Variants in ADAMTSL1 observed in about 807,000 individuals in gnomAD.
ADAMTSL1 encodes ADAMTS-like protein 1.
Under a neutral mutation model 201.8 loss-of-function variants are expected in ADAMTSL1, and 126 were observed. The observed-to-expected ratio is 0.62, with a 90% CI of 0.54 to 0.72. The LOEUF (loss-of-function observed/expected upper bound fraction) is 0.72, where lower values mean the gene tolerates loss of function less well. ADAMTSL1 is among the 30% of genes least tolerant of loss of function. The pLI is 0.00. For synonymous variants in ADAMTSL1, 1,121 were observed against 903.4 expected, an observed-to-expected ratio of 1.24 and a Z score of -4.32; for missense variants, 2,679 against 2,277.8, an observed-to-expected ratio of 1.18 and a Z score of -3.59.
intron 2 of ADAMTSL1, among the ~76,000 whole-genome samples, chr9:18,198,373 A>G (rs1383393862): frequency 4.1e-5 from 6 of 146,746 alleles, no homozygotes; most frequent in African/African-American, 1.5e-4. Flanking sequence ...ACAAAGGGCT[A>G]ATATCCAGAA....
chr9:18,311,082 T>C (rs1242471849), intron 2 of ADAMTSL1, among the ~76,000 whole-genome samples: 2 of 152,088 alleles, frequency 1.3e-5, no homozygotes, highest in Non-Finnish European at 2.9e-5. Context: ...GAAACCATCA[T>C]TCTCAGCAAA....
intron 20 of ADAMTSL1, among the ~76,000 whole-genome samples, chr9:18,799,612 TC>T (rs1220671922): frequency 6.6e-6 from 1 of 152,158 alleles, no homozygotes; most frequent in Non-Finnish European, 1.5e-5. Context: ...CCTGACATCA[TC>T]AATGGGAAAT....
At position 18,829,775 on chromosome 9, in the gene ADAMTSL1, C is replaced by T. The variant is rs573664266; in HGVS notation, c.4115-68C>T. On this transcript the variant is annotated intron_variant, in intron 22 of 28. Transcript: ENST00000380548. ...ACATGTGCACACACATGCATACCCA[C>T]CTCTTCCTCTTGCCTTGACACAGCC... 7.6e-5 allele frequency: 122 copies of T among 1,595,396 alleles called. 3 individuals carry two copies. The South Asian group carries it at 1.1e-3, about 15-fold the overall frequency.
intron 23 of ADAMTSL1, among the ~76,000 whole-genome samples, chr9:18,883,374 A>T (rs1303396757): frequency 6.6e-6 from 1 of 152,148 alleles, no homozygotes; most frequent in African/African-American, 2.4e-5. Context: ...AGCTCCCAAG[A>T]TCTCTTGTGG....
At chr9:18,767,177 C>T (rs891692177) in intron 16 of ADAMTSL1, among the ~76,000 whole-genome samples, 1 of 152,064 alleles carries the variant, frequency 6.6e-6, no homozygotes, top group African/African-American at 2.4e-5. Context: ...ATTCAAGATG[C>T]CTATTTGCAT....
Position 18,371,299 on chromosome 9 carries a change from A to G in ADAMTSL1, c.208-133530A>G, listed in dbSNP as rs190582594. ...CAGCATAGCTATCATGCATTCCATCATTAGAATAATACATTCTGATAAAAC... is the reference window on the plus strand; with the variant it reads ...CAGCATAGCTATCATGCATTCCATCGTTAGAATAATACATTCTGATAAAAC... On this transcript the variant is annotated intron_variant, in intron 2 of 29. Coordinates refer to the ADAMTSL1 transcript ENST00000680146. Among the ~76,000 whole-genome samples the G allele has an allele frequency of 2.6e-5, 4 of 152,322 alleles. No homozygotes were observed. The East Asian group carries it at 7.7e-4, about 29-fold the overall frequency.
intron 1 of ADAMTSL1, among the ~76,000 whole-genome samples, chr9:17,936,283 TA>T (rs1327638057): frequency 1.1e-4 from 16 of 152,110 alleles, no homozygotes; most frequent in South Asian, 4.1e-4. Flanking sequence ...ACTTATGCTT[TA>T]AAAAAAATCA....
rs190146922 is a variant in ADAMTSL1 at position 18,225,921 on chromosome 9, G to A, written c.207+61940G>A. 1.1e-3 allele frequency among the ~76,000 whole-genome samples: 163 copies of A among 152,076 alleles called. 1 individual carries two copies. Among genetic ancestry groups the A allele is most frequent in the African/African-American group, 3.8e-3 (158 of 41,508 alleles). On this transcript the variant is annotated intron_variant, in intron 2 of 29. Transcript: ENST00000680146. ...AGGCCTGTATTTCAGTTTTTCTTAT[G>A]TCTGATTAATTTTTTTCTGTGTAAT...
chr9:18,798,644 C>T (rs759444921), intron 20 of ADAMTSL1, among the ~76,000 whole-genome samples: 4 of 152,136 alleles, frequency 2.6e-5, no homozygotes, highest in African/African-American at 7.2e-5. Flanking sequence ...CTGGAAAGTA[C>T]TTGGGGTGCC....
At chr9:18,513,324 T>A (rs1164284373) in intron 2 of ADAMTSL1, among the ~76,000 whole-genome samples, 1 of 152,178 alleles carries the variant, frequency 6.6e-6, no homozygotes, top group African/African-American at 2.4e-5. Flanking sequence ...CGCCGCAACC[T>A]CTGGCAGCCT....
chr9:18,284,853 A>C (rs1355553260), intron 2 of ADAMTSL1, among the ~76,000 whole-genome samples: 3 of 152,192 alleles, frequency 2.0e-5, no homozygotes, highest in Non-Finnish European at 2.9e-5. Context: ...AATATTTTAT[A>C]TGAATAAATA....
chr9:18,290,796 T>C (rs1164385666), intron 2 of ADAMTSL1, among the ~76,000 whole-genome samples: 1 of 150,924 alleles, frequency 6.6e-6, no homozygotes, highest in Non-Finnish European at 1.5e-5. Context: ...TTTTTTTTTT[T>C]TTTGAGGCAG....
rs150046384 is a variant in ADAMTSL1 at position 17,917,152 on chromosome 9, A to G, written c.87+10230A>G. On this transcript the variant is annotated intron_variant, in intron 1 of 29. Coordinates refer to the ADAMTSL1 transcript ENST00000680146. ...ATTAGCTGTAGTTGTTGTGTGCAAC[A>G]ATATGTAGTATATTCCATCAGATTT... Among the ~76,000 whole-genome samples, 262 of 152,256 alleles carry G rather than the reference A, an allele frequency of 1.7e-3. 2 individuals carry two copies. Among genetic ancestry groups the G allele is most frequent in the African/African-American group, 6.1e-3 (253 of 41,578 alleles).
At chr9:18,826,491 G>A (rs1347060310) in intron 22 of ADAMTSL1, 28 bp downstream of exon 22, 3 of 1,594,986 alleles carry the variant, frequency 1.9e-6, no homozygotes, top group South Asian at 2.3e-5. Flanking sequence ...GGCTGCCTCT[G>A]CTGCACCCTG....
At chr9:18,793,261 T>G (rs1020450103) in intron 19 of ADAMTSL1, 11 of 152,110 alleles carry the variant, frequency 7.2e-5, no homozygotes, top group African/African-American at 2.7e-4. Flanking sequence ...TGACAGGAGG[T>G]AAGAATAAGC....
intron 1 of ADAMTSL1, among the ~76,000 whole-genome samples, chr9:18,045,246 A>G (rs1157445434): frequency 1.3e-5 from 2 of 152,200 alleles, no homozygotes; most frequent in Admixed American, 6.5e-5. Flanking sequence ...ACAACTGAGT[A>G]TATGTAGTTT....
intron 23 of ADAMTSL1, among the ~76,000 whole-genome samples, chr9:18,869,966 G>C (rs1267186439): frequency 1.3e-5 from 2 of 151,628 alleles, no homozygotes; most frequent in African/African-American, 2.4e-5. Context: ...TTTTCACAAT[G>C]GATAATTTAT....
At chr9:18,905,979 A>C in intron 27 of ADAMTSL1, 88 bp downstream of exon 27, 1 of 1,194,108 alleles carries the variant, frequency 8.4e-7, no homozygotes, top group Non-Finnish European at 1.2e-6. Context: ...CCTCCAACTA[A>C]CTTACCACAG....
chr9:18,626,981 TTTTTC>T (rs1826428844), intron 5 of ADAMTSL1, among the ~76,000 whole-genome samples: 1 of 151,702 alleles, frequency 6.6e-6, no homozygotes, highest in Non-Finnish European at 1.5e-5. Context: ...CTTTCTTCTT[TTTTTC>T]TTTTATTGAA....
Sources: allele counts gnomAD v4.1 joint callset (sites outside exome capture counted in the v4.1 genomes callset), GRCh38; gene constraint gnomAD v4.1.1; transcripts MANE v1.5; gene names NCBI Gene and HGNC (gene_info 2026-07-23, HGNC 2026-07-21).